GXYLT2: variants seen among roughly 807,000 people sequenced by gnomAD.
GXYLT2 encodes the protein glucoside xylosyltransferase 2.
A neutral mutation model predicts 45.8 loss-of-function variants in GXYLT2; 53 were observed. The observed-to-expected ratio is 1.16, with a 90% confidence interval of 0.93 to 1.46. The LOEUF (loss-of-function observed/expected upper bound fraction) is 1.46, where lower values mean the gene tolerates loss of function less well. GXYLT2 is among the 40% of genes most tolerant of loss of function. The pLI, the probability that GXYLT2 is intolerant of heterozygous loss-of-function variation, is 0.00. For synonymous variants in GXYLT2, 219 were observed against 214.2 expected, an observed-to-expected ratio of 1.02 and a Z score of -0.19; for missense variants, 551 against 544.4, an observed-to-expected ratio of 1.01 and a Z score of -0.12.
At chr3:72,905,022 A>G (rs1193219908) in intron 1 of GXYLT2, among the ~76,000 whole-genome samples, 4 of 139,252 alleles carry the variant, frequency 2.9e-5, no homozygotes, top group African/African-American at 1.1e-4. Flanking sequence ...CTGAAATTGC[A>G]CCACTGCACT....
At chr3:72,969,927 A>C (rs199738296) in intron 6 of GXYLT2, among the ~76,000 whole-genome samples, 12 of 146,442 alleles carry the variant, frequency 8.2e-5, no homozygotes, top group South Asian at 6.5e-4. Context: ...AAAAACAAAA[A>C]CATTTAAGGC....
At chr3:72,920,767 C>G (rs1709817345) in intron 2 of GXYLT2, among the ~76,000 whole-genome samples, 1 of 150,434 alleles carries the variant, frequency 6.6e-6, no homozygotes, top group Non-Finnish European at 1.5e-5. Context: ...GCATATCCAT[C>G]TAGGTTTTTC....
chr3:72,947,621 G>A (rs1013109186), intron 3 of GXYLT2, among the ~76,000 whole-genome samples: 2 of 152,096 alleles, frequency 1.3e-5, no homozygotes, highest in Admixed American at 1.3e-4. Flanking sequence ...CCAACATGGT[G>A]AAACCTTGCC....
chr3:72,909,764 A>G (rs554406930), intron 2 of GXYLT2, among the ~76,000 whole-genome samples: 1 of 152,260 alleles, frequency 6.6e-6, no homozygotes, highest in African/African-American at 2.4e-5. Context: ...GTTTTCCTTG[A>G]GAGTTTTCTC....
chr3:72,916,380 G>T (rs1301297765), intron 2 of GXYLT2, among the ~76,000 whole-genome samples: 1 of 151,646 alleles, frequency 6.6e-6, no homozygotes, highest in Non-Finnish European at 1.5e-5. Context: ...TAGAGATGGG[G>T]TCTTGCTATA....
intron 2 of GXYLT2, among the ~76,000 whole-genome samples, chr3:72,919,939 T>C (rs898582468): frequency 2.0e-5 from 3 of 152,154 alleles, no homozygotes; most frequent in African/African-American, 7.2e-5. Context: ...CTGTGGACTT[T>C]AGTTAGTAAT....
chr3:72,972,797 T>C (rs1213362480), intron 6 of GXYLT2, among the ~76,000 whole-genome samples: 1 of 127,652 alleles, frequency 7.8e-6, no homozygotes, highest in Non-Finnish European at 1.6e-5. Flanking sequence ...TGGTGGCACA[T>C]GCAGGTAGTC....
intron 3 of GXYLT2, among the ~76,000 whole-genome samples, chr3:72,935,252 A>G (rs1047402680): frequency 2.6e-5 from 4 of 152,240 alleles, no homozygotes; most frequent in African/African-American, 7.2e-5. Flanking sequence ...CTTGTACATT[A>G]AAAGTACAGC....
chr3:72,927,555 C>A (rs766792950), intron 3 of GXYLT2, among the ~76,000 whole-genome samples: 6 of 152,110 alleles, frequency 3.9e-5, no homozygotes, highest in Non-Finnish European at 8.8e-5. Context: ...GGTCAGACCT[C>A]TATATTATTA....
intron 3 of GXYLT2, among the ~76,000 whole-genome samples, chr3:72,948,485 G>A (rs1710454350): frequency 6.6e-6 from 1 of 152,136 alleles, no homozygotes; most frequent in Non-Finnish European, 1.5e-5. Context: ...CCAAATATTT[G>A]GAAATTAAAC....
At chr3:72,892,753 A>G (rs995288758) in intron 1 of GXYLT2, among the ~76,000 whole-genome samples, 1 of 152,208 alleles carries the variant, frequency 6.6e-6, no homozygotes, top group African/African-American at 2.4e-5. Context: ...TGGCCATCCT[A>G]TAATTAGCTA....
At chr3:72,904,389 G>A (rs1303581380) in intron 1 of GXYLT2, among the ~76,000 whole-genome samples, 1 of 152,318 alleles carries the variant, frequency 6.6e-6, no homozygotes, top group East Asian at 1.9e-4. Flanking sequence ...ATTACCTAAA[G>A]CCTGAGATTT....
At chr3:72,905,337 C>T (rs993821281) in intron 1 of GXYLT2, among the ~76,000 whole-genome samples, 2 of 152,070 alleles carry the variant, frequency 1.3e-5, no homozygotes, top group Non-Finnish European at 2.9e-5. Flanking sequence ...AGGCTGGTCT[C>T]GAACTCCTGA....
At chr3:72,935,110 T>C (rs1333192412) in intron 3 of GXYLT2, among the ~76,000 whole-genome samples, 2 of 152,046 alleles carry the variant, frequency 1.3e-5, no homozygotes, top group East Asian at 1.9e-4. Context: ...GAAAATCATA[T>C]ATGGAAGATG....
intron 3 of GXYLT2, among the ~76,000 whole-genome samples, chr3:72,928,568 GTTTC>G (rs1709961592): frequency 6.6e-6 from 1 of 152,206 alleles, no homozygotes; most frequent in African/African-American, 2.4e-5. Context: ...AAGCCAGGGT[GTTTC>G]TTAATTAAGA....
intron 6 of GXYLT2, among the ~76,000 whole-genome samples, chr3:72,969,517 G>A (rs964262832): frequency 6.6e-6 from 1 of 151,958 alleles, no homozygotes; most frequent in South Asian, 2.1e-4. Flanking sequence ...TTTTTCTTTT[G>A]GTGGAGATGG....
intron 2 of GXYLT2, among the ~76,000 whole-genome samples, chr3:72,920,325 G>A (rs1224066059): frequency 6.6e-6 from 1 of 151,986 alleles, no homozygotes; most frequent in East Asian, 1.9e-4. Context: ...AGTAGAGACC[G>A]GGTTTCACCA....
At chr3:72,890,086 A>G (rs942227492) in intron 1 of GXYLT2, among the ~76,000 whole-genome samples, 1 of 151,844 alleles carries the variant, frequency 6.6e-6, no homozygotes, top group African/African-American at 2.4e-5. Flanking sequence ...TGCCCAGCTG[A>G]TTTTTGTATT....
chr3:72,911,936 T>A (rs1709631279), intron 2 of GXYLT2, among the ~76,000 whole-genome samples: 1 of 147,996 alleles, frequency 6.8e-6, no homozygotes, highest in Non-Finnish European at 1.5e-5. Context: ...TATACTTAAA[T>A]GTATATAATA....
Sources: gnomAD v4.1 joint callset for allele counts (sites outside exome capture counted in the v4.1 genomes callset) on GRCh38, gnomAD v4.1.1 for gene constraint, MANE v1.5 for transcripts, NCBI Gene and HGNC (gene_info 2026-07-23, HGNC 2026-07-21) for gene names.